ANKRD44: variants seen among roughly 807,000 people sequenced by gnomAD.
ANKRD44 encodes ankyrin repeat domain 44.
Under a neutral mutation model 116.0 loss-of-function variants are expected in ANKRD44, and 35 were observed. The observed-to-expected ratio is 0.30, with a 90% CI of 0.23 to 0.40. The LOEUF (loss-of-function observed/expected upper bound fraction) is 0.40, where lower values mean the gene tolerates loss of function less well. Ranked by LOEUF, ANKRD44 falls within the 10% of genes least tolerant of loss-of-function variation. The pLI, the probability that ANKRD44 is intolerant of heterozygous loss-of-function variation, is 1.00. For missense variants in ANKRD44, 1,014 were observed against 1,242.6 expected (o/e 0.82, Z 2.77); for synonymous variants, 435 against 461.8 (o/e 0.94, Z 0.74).
chr2:197,201,820 C>G lies in ANKRD44; in HGVS notation c.28-14714G>C, dbSNP rs1559145435. 6.6e-6 allele frequency among the ~76,000 whole-genome samples: 1 copy of G among 152,280 alleles called. No homozygotes were observed. Among genetic ancestry groups the G allele is most frequent in the East Asian group, 1.9e-4 (1 of 5,194 alleles). On this transcript the variant is annotated intron_variant, in intron 1 of 27. Transcript: ENST00000282272. This position sits in a 1 kb window ranked among gnomAD's most constrained non-coding sequence, Gnocchi z 4.0. Reference sequence around the variant, plus strand: ...CCCATAGGTAGTTTTTAATCTCTTGCCCTCCTCCCATCCTGCCCCCTTTTG... The same window carrying G: ...CCCATAGGTAGTTTTTAATCTCTTGGCCTCCTCCCATCCTGCCCCCTTTTG...
At chr2:197,171,722 T>C (rs919891282) in intron 2 of ANKRD44, among the ~76,000 whole-genome samples, 2 of 152,146 alleles carry the variant, frequency 1.3e-5, no homozygotes, top group African/African-American at 4.8e-5. Context: ...CATGATGATG[T>C]TCATCGATTG....
At chr2:197,245,631 C>T (rs890836127) in intron 1 of ANKRD44, among the ~76,000 whole-genome samples, 11 of 152,196 alleles carry the variant, frequency 7.2e-5, no homozygotes, top group African/African-American at 2.2e-4. Flanking sequence ...AAGGGAGAAA[C>T]TTAACAGCAA....
At chr2:197,137,463 CTA>C (rs2079246999) in intron 3 of ANKRD44, among the ~76,000 whole-genome samples, 1 of 152,182 alleles carries the variant, frequency 6.6e-6, no homozygotes, top group African/African-American at 2.4e-5. Flanking sequence ...CAGGAGCTGA[CTA>C]ATCTCCAAGA....
At chr2:197,167,083 C>T (rs1436518444) in intron 2 of ANKRD44, among the ~76,000 whole-genome samples, 2 of 152,092 alleles carry the variant, frequency 1.3e-5, no homozygotes, top group Non-Finnish European at 2.9e-5. Flanking sequence ...TTCCCAAATT[C>T]CAGTCACTCT....
chr2:197,117,143 C>T (rs889590026), intron 8 of ANKRD44, among the ~76,000 whole-genome samples: 2 of 152,130 alleles, frequency 1.3e-5, no homozygotes, highest in African/African-American at 4.8e-5. Context: ...GGAATTTAGG[C>T]GGTCTGGCCC....
At chr2:197,209,061 C>T (rs1278535588) in intron 1 of ANKRD44, among the ~76,000 whole-genome samples, 1 of 152,160 alleles carries the variant, frequency 6.6e-6, no homozygotes, top group Non-Finnish European at 1.5e-5. Context: ...CTTTGTGCCG[C>T]TCAAGTGATT....
At chr2:197,017,512 G>T (rs10497802) in intron 17 of ANKRD44, among the ~76,000 whole-genome samples, 31,739 of 152,042 alleles carry the variant, frequency 0.21, 3,398 homozygotes, top group African/African-American at 0.22. Flanking sequence ...ATTACATTAT[G>T]TTTGTGAATG....
chr2:197,269,505 A>G (rs1203364748), intron 1 of ANKRD44, among the ~76,000 whole-genome samples: 1 of 152,192 alleles, frequency 6.6e-6, no homozygotes, highest in African/African-American at 2.4e-5. Flanking sequence ...GTAATGAAGA[A>G]GCGCATGCTG....
Position 196,988,228 on chromosome 2 carries a change from A to G in ANKRD44, c.*1363T>C. 1 of 985,426 alleles carries G rather than the reference A, an allele frequency of 1.0e-6. No individual in the cohort carries two copies. Among genetic ancestry groups the G allele is most frequent in the Non-Finnish European group, 1.2e-6 (1 of 829,924 alleles). The allele number at this position is 985,426 out of a possible 1,614,324, so 61.0% of individuals were successfully genotyped here. On this transcript the variant is annotated 3_prime_UTR_variant, in exon 28 of 28. Transcript: ENST00000282272. ...CATTTCATTTCCTGCTTGAAATGCCAACTGAGCAAGATTTCCATTCACTTC... is the reference window on the plus strand; with the variant it reads ...CATTTCATTTCCTGCTTGAAATGCCGACTGAGCAAGATTTCCATTCACTTC...
intron 7 of ANKRD44, 121 bp downstream of exon 7, chr2:197,122,529 A>G: frequency 7.4e-7 from 1 of 1,344,060 alleles, no homozygotes; most frequent in South Asian, 1.5e-5. Context: ...ACTCAAAAAG[A>G]CAGGATGCTA....
chr2:197,247,762 C>A (rs1345186076), intron 1 of ANKRD44, among the ~76,000 whole-genome samples: 4 of 152,108 alleles, frequency 2.6e-5, no homozygotes, highest in African/African-American at 4.8e-5. Context: ...CCCAAGGGTC[C>A]CAGCTGTGAA....
At chr2:197,097,202 G>A (rs1351805474) in intron 10 of ANKRD44, among the ~76,000 whole-genome samples, 1 of 152,014 alleles carries the variant, frequency 6.6e-6, no homozygotes, top group Non-Finnish European at 1.5e-5. Flanking sequence ...AGTAACCATT[G>A]GGTCCAGCTT....
intron 17 of ANKRD44, among the ~76,000 whole-genome samples, chr2:197,024,841 C>T (rs1051936533): frequency 6.6e-6 from 1 of 152,180 alleles, no homozygotes; most frequent in African/African-American, 2.4e-5. Flanking sequence ...ATATTGTTAT[C>T]GCTAATCAAA....
At position 196,989,052 on chromosome 2, in the gene ANKRD44, G is replaced by T; in HGVS notation, c.*539C>A. On this transcript the variant is annotated 3_prime_UTR_variant, in exon 28 of 28. Transcript: ENST00000282272. Reference sequence around the variant, plus strand: ...TCTAACCAACGCGGAAGAACCTGAGGGTCATCTGGAAACCTTAGCAGTGGA... The same window carrying T: ...TCTAACCAACGCGGAAGAACCTGAGTGTCATCTGGAAACCTTAGCAGTGGA... 2 of 985,436 alleles carry T rather than the reference G, an allele frequency of 2.0e-6. No homozygotes were observed. The highest frequency in any genetic ancestry group is 2.4e-6 in the Non-Finnish European group (2 of 829,990). 61.0% of individuals were successfully genotyped at this position (985,436 alleles called of 1,614,324 possible). A position where few individuals can be genotyped will look rare whatever the true frequency, so the allele number is the denominator to read the frequency against.
intron 2 of ANKRD44, among the ~76,000 whole-genome samples, chr2:197,178,604 C>T (rs1447691707): frequency 6.6e-6 from 1 of 151,998 alleles, no homozygotes; most frequent in African/African-American, 2.4e-5. Flanking sequence ...CATGCAGAGG[C>T]CACTCACCAA....
chr2:197,095,209 C>T (rs1032012233), intron 10 of ANKRD44, among the ~76,000 whole-genome samples: 2 of 152,130 alleles, frequency 1.3e-5, no homozygotes, highest in African/African-American at 2.4e-5. Flanking sequence ...TTTGACTCAT[C>T]GGAGTGGCCC....
chr2:197,244,168 G>A (rs561414872), intron 1 of ANKRD44, among the ~76,000 whole-genome samples: 1 of 152,298 alleles, frequency 6.6e-6, no homozygotes, highest in East Asian at 1.9e-4. Flanking sequence ...ACTGGCAGAG[G>A]AAGCAGCTGC....
intron 6 of ANKRD44, among the ~76,000 whole-genome samples, chr2:197,124,717 A>C (rs2125336442): frequency 6.6e-6 from 1 of 152,348 alleles, no homozygotes; most frequent in East Asian, 1.9e-4. Flanking sequence ...CCAATTAGAA[A>C]CACAAAGGGA....
chr2:197,298,410 T>A (rs549144670), intron 1 of ANKRD44, among the ~76,000 whole-genome samples: 1 of 152,250 alleles, frequency 6.6e-6, no homozygotes, highest in African/African-American at 2.4e-5. Flanking sequence ...AATAGATGTG[T>A]GGACCACACA....
Sources: allele counts gnomAD v4.1 joint callset (sites outside exome capture counted in the v4.1 genomes callset), GRCh38; gene constraint gnomAD v4.1.1; non-coding constraint Gnocchi (gnomAD v3.1); transcripts MANE v1.5; gene names NCBI Gene and HGNC (gene_info 2026-07-23, HGNC 2026-07-21).